Variants in MIGA1 observed in about 807,000 individuals in gnomAD.
MIGA1 encodes the protein family with sequence similarity 73, member A.
MIGA1 carries 58 observed loss-of-function variants against 82.0 expected under a neutral mutation model. That is an observed-to-expected ratio of 0.71 (90% CI 0.57 to 0.88). The LOEUF (loss-of-function observed/expected upper bound fraction) is 0.88. Ranked by LOEUF, MIGA1 falls within the 40% of genes least tolerant of loss-of-function variation. The pLI is 0.00. For synonymous variants in MIGA1, 249 were observed against 253.6 expected (o/e 0.98, Z 0.17); for missense variants, 751 against 749.1 (o/e 1.00, Z -0.03).
At chr1:77,863,766 T>C in intron 12 of MIGA1, 128 bp from the exon 13 acceptor site, 1 of 638,208 alleles carries the variant, frequency 1.6e-6, no homozygotes, top group South Asian at 2.7e-5. Flanking sequence ...TCTCTCCTTT[T>C]ATTTTTTATT....
chr1:77,806,644 G>A (rs537709902), intron 4 of MIGA1, among the ~76,000 whole-genome samples: 2 of 152,306 alleles, frequency 1.3e-5, no homozygotes, highest in South Asian at 2.1e-4. Context: ...AAATAAGCTA[G>A]CTAGCTTAAA....
At chr1:77,838,560 G>A (rs1028746986) in intron 7 of MIGA1, among the ~76,000 whole-genome samples, 8 of 152,060 alleles carry the variant, frequency 5.3e-5, no homozygotes, top group Non-Finnish European at 1.0e-4. Flanking sequence ...CAATTCTTGC[G>A]CCTCAGACTC....
intron 7 of MIGA1, among the ~76,000 whole-genome samples, chr1:77,838,401 G>T (rs1684508939): frequency 6.6e-6 from 1 of 151,680 alleles, no homozygotes; most frequent in South Asian, 2.1e-4. Flanking sequence ...CCAGGCTGGA[G>T]TGCAGCTGTC....
intron 2 of MIGA1, among the ~76,000 whole-genome samples, chr1:77,799,664 TG>T (rs1682794428): frequency 6.6e-6 from 1 of 152,154 alleles, no homozygotes; most frequent in African/African-American, 2.4e-5. Context: ...TTGTGTTACC[TG>T]TTTTTTTTTC....
At chr1:77,862,641 G>T (rs1045223830) in intron 12 of MIGA1, among the ~76,000 whole-genome samples, 4 of 151,624 alleles carry the variant, frequency 2.6e-5, no homozygotes, top group Admixed American at 1.3e-4. Flanking sequence ...CCCAGCCTGG[G>T]TGGCAGAGCG....
At chr1:77,796,862 T>C (rs760456494) in intron 2 of MIGA1, among the ~76,000 whole-genome samples, 26 of 152,174 alleles carry the variant, frequency 1.7e-4, no homozygotes, top group Admixed American at 7.2e-4. Context: ...CCCAGTTCTG[T>C]GTGTTTTTAC....
intron 8 of MIGA1, among the ~76,000 whole-genome samples, chr1:77,855,756 A>G (rs1049451666): frequency 5.3e-5 from 8 of 151,864 alleles, no homozygotes; most frequent in African/African-American, 1.9e-4. Flanking sequence ...GTATCTGGAA[A>G]CTGCTGATTC....
intron 5 of MIGA1, among the ~76,000 whole-genome samples, chr1:77,809,057 G>A (rs1442514729): frequency 6.6e-6 from 1 of 152,054 alleles, no homozygotes; most frequent in Non-Finnish European, 1.5e-5. Flanking sequence ...GTTACAGTGA[G>A]CTAATTGTGC....
intron 5 of MIGA1, chr1:77,811,737 A>G (rs1447124183): frequency 2.3e-5 from 37 of 1,610,636 alleles, no homozygotes; most frequent in Non-Finnish European, 3.1e-5. Context: ...CTCTCCTAAA[A>G]CTGGCGCCCC....
intron 5 of MIGA1, 133 bp downstream of exon 5, chr1:77,807,234 T>C: frequency 1.8e-6 from 1 of 558,392 alleles, no homozygotes; most frequent in Non-Finnish European, 3.0e-6. Context: ...CGATTACTGC[T>C]CATTGCAGCC....
chr1:77,868,032 T>G (rs1173406667), intron 14 of MIGA1, among the ~76,000 whole-genome samples: 1 of 152,194 alleles, frequency 6.6e-6, no homozygotes, highest in Admixed American at 6.5e-5. Context: ...ACCATCAGCT[T>G]ACCCTCAGTT....
At chr1:77,811,186 A>C (rs560974645) in intron 5 of MIGA1, 1 of 1,536,562 alleles carries the variant, frequency 6.5e-7, no homozygotes, top group African/African-American at 1.4e-5. Context: ...AGTTAAGTCT[A>C]TGCCATTCAG....
At chr1:77,788,517 T>C (rs1311167850) in intron 2 of MIGA1, among the ~76,000 whole-genome samples, 1 of 152,200 alleles carries the variant, frequency 6.6e-6, no homozygotes, top group African/African-American at 2.4e-5. Flanking sequence ...CTTGTTTGTA[T>C]CTTTTTTTTG....
At chr1:77,802,494 T>C (rs975259811) in intron 3 of MIGA1, among the ~76,000 whole-genome samples, 2 of 152,188 alleles carry the variant, frequency 1.3e-5, no homozygotes. Flanking sequence ...GAAAAACTTG[T>C]GCAGCATGGT....
intron 14 of MIGA1, among the ~76,000 whole-genome samples, chr1:77,870,320 TCTC>T (rs1685909420): frequency 9.2e-6 from 1 of 108,866 alleles, no homozygotes; most frequent in Non-Finnish European, 2.0e-5. Flanking sequence ...GCTCCTCACT[TCTC>T]AGACGGGGCG....
chr1:77,797,975 C>G (rs373939880), intron 2 of MIGA1, among the ~76,000 whole-genome samples: 1 of 152,052 alleles, frequency 6.6e-6, no homozygotes, highest in Non-Finnish European at 1.5e-5. Context: ...ACTTCTAATA[C>G]GACATTGGTG....
rs527920026 is a variant in MIGA1 at position 77,866,210 on chromosome 1, C to T, written c.1510-128C>T. ...GATTACAGATGTGAGCCACTGTGCC[C>T]GGCCGACTAGTTCTTATTAGTAATG... On this transcript the variant is annotated intron_variant, in intron 13 of 15. Transcript: ENST00000370791. 54 of 799,328 alleles carry T rather than the reference C, an allele frequency of 6.8e-5. 1 individual carries two copies. Among genetic ancestry groups the T allele is most frequent in the South Asian group, 2.7e-4 (16 of 59,100 alleles). 49.5% of individuals were successfully genotyped at this position (799,328 alleles called of 1,614,324 possible).
At position 77,877,432 on chromosome 1, in the gene MIGA1, CTTA is replaced by C. The variant is rs539065077; in HGVS notation, c.*2374_*2376del. On this transcript the variant is annotated 3_prime_UTR_variant, in exon 16 of 16. Coordinates refer to ENST00000370791, the MANE Select transcript of MIGA1 (RefSeq NM_198549.4). Reference sequence around the variant, plus strand: ...ATTTAACAATTACCTATTTATAGTTCTTATTATTGACGGGAATATGATTAGAAG... The same window carrying C: ...ATTTAACAATTACCTATTTATAGTTCTTATTGACGGGAATATGATTAGAAG... 5.9e-5 allele frequency: 9 copies of C among 152,184 alleles called. No individual in the cohort carries two copies. The East Asian group carries it at 1.5e-3, about 26-fold the overall frequency. The allele number at this position is 152,184 out of a possible 1,614,324, so 9.4% of individuals were successfully genotyped here. A position where few individuals can be genotyped will look rare whatever the true frequency, so the allele number is the denominator to read the frequency against.
At chr1:77,807,455 C>T (rs865908328) in intron 5 of MIGA1, among the ~76,000 whole-genome samples, 41 of 152,244 alleles carry the variant, frequency 2.7e-4, no homozygotes, top group Admixed American at 9.8e-4. Context: ...TGAGCCACCA[C>T]GGTTGGTGGT....
Sources: allele counts gnomAD v4.1 joint callset (sites outside exome capture counted in the v4.1 genomes callset), GRCh38; gene constraint gnomAD v4.1.1; transcripts MANE v1.5; gene names NCBI Gene and HGNC (gene_info 2026-07-23, HGNC 2026-07-21).